The following VXN variants were observed in gnomAD, a reference collection of about 807,000 sequenced individuals.
VXN encodes vexin.
Under a neutral mutation model 23.1 loss-of-function variants are expected in VXN, and 7 were observed. The observed-to-expected ratio is 0.30, with a 90% confidence interval of 0.17 to 0.57. The LOEUF is 0.57. Ranked by LOEUF, VXN falls within the 20% of genes least tolerant of loss-of-function variation. VXN has a pLI of 0.91. For missense variants in VXN, 238 were observed against 272.6 expected (o/e 0.87, Z 0.89); for synonymous variants, 120 against 105.8 (o/e 1.13, Z -0.83).
In VXN at chr8:66,496,489, G is replaced by A. The variant is rs2130540513; in HGVS notation, c.123G>A (p.Lys41=). ...RAKSSQHLLT[K]NVVIESDLYT... ...AAAGCTCTCAGCACCTCTTGACCAA[G>A]AATGTAAGGAAACTTTAGTTTTGAT... The change falls in exon 2 of 6, where the codon AAG becomes AAA. Residue 41 remains lysine, a synonymous_variant. Transcript: ENST00000305454. 2 of 1,614,026 alleles carry A rather than the reference G, an allele frequency of 1.2e-6. No individual in the cohort carries two copies. Among genetic ancestry groups the A allele is most frequent in the African/African-American group, 1.3e-5 (1 of 75,048 alleles).
At chr8:66,503,116 G>T (rs1052817176) in intron 2 of VXN, among the ~76,000 whole-genome samples, 1 of 152,166 alleles carries the variant, frequency 6.6e-6, no homozygotes, top group African/African-American at 2.4e-5. Flanking sequence ...AAAGTGCTGG[G>T]ATTACAGGCA....
At chr8:66,495,850 A>T (rs2130539914) in intron 1 of VXN, among the ~76,000 whole-genome samples, 1 of 152,316 alleles carries the variant, frequency 6.6e-6, no homozygotes, top group South Asian at 2.1e-4. Flanking sequence ...CATCACCCCC[A>T]TCCATCCTAG....
At chr8:66,505,655 C>T in intron 3 of VXN, 127 bp downstream of exon 3, 1 of 1,180,584 alleles carries the variant, frequency 8.5e-7, no homozygotes. Flanking sequence ...GGTGACCAAG[C>T]ACCTGTGCTT....
intron 4 of VXN, 130 bp from the exon 5 acceptor site, chr8:66,513,410 G>A: frequency 2.5e-6 from 2 of 803,342 alleles, no homozygotes; most frequent in Non-Finnish European, 4.3e-6. Context: ...TCCCACACCT[G>A]CTGAATGATG....
rs150687479 is a variant in VXN at position 66,512,352 on chromosome 8, A to T, written c.343-1188A>T. 4.2e-3 allele frequency among the ~76,000 whole-genome samples: 646 copies of T among 152,330 alleles called. 3 individuals carry two copies. The highest frequency in any genetic ancestry group is 6.8e-3 in the Middle Eastern group (2 of 294). The stretch of plus-strand genomic sequence containing the variant: ...GGCATAATGGGAAGGAAGCGTTTGC[A>T]CGGACCACAAGGTGGCACAGCAGCT... On this transcript the variant is annotated intron_variant, in intron 4 of 5. Coordinates refer to ENST00000305454, the MANE Select transcript of VXN (RefSeq NM_152765.4).
At chr8:66,515,524 C>T (rs890555071) in intron 5 of VXN, among the ~76,000 whole-genome samples, 1 of 152,206 alleles carries the variant, frequency 6.6e-6, no homozygotes, top group Non-Finnish European at 1.5e-5. Flanking sequence ...CCATCCCAGA[C>T]CTCATGCTCT....
chr8:66,504,708 C>T (rs969666403), intron 2 of VXN, among the ~76,000 whole-genome samples: 9 of 152,138 alleles, frequency 5.9e-5, no homozygotes, highest in Non-Finnish European at 1.2e-4. Context: ...TTTGTTCCAG[C>T]TTATCAAGAT....
intron 1 of VXN, among the ~76,000 whole-genome samples, 153 bp from the exon 2 acceptor site, chr8:66,496,284 C>T (rs948151156): frequency 6.6e-6 from 1 of 152,226 alleles, no homozygotes; most frequent in African/African-American, 2.4e-5. Context: ...AGCCAAGTAA[C>T]ATCTTCAATC....
chr8:66,511,937 A>T (rs1469430455), intron 4 of VXN, among the ~76,000 whole-genome samples: 2 of 152,046 alleles, frequency 1.3e-5, no homozygotes, highest in Non-Finnish European at 2.9e-5. Context: ...GTGGTGAGCC[A>T]TGCCTGTGAT....
intron 2 of VXN, among the ~76,000 whole-genome samples, chr8:66,497,238 A>G (rs1473115101): frequency 6.6e-6 from 1 of 152,250 alleles, no homozygotes. Context: ...AGTAGAAAAA[A>G]AAGGTAAAAG....
At chr8:66,504,338 G>A (rs1045329999) in intron 2 of VXN, among the ~76,000 whole-genome samples, 9 of 152,038 alleles carry the variant, frequency 5.9e-5, no homozygotes, top group Non-Finnish European at 1.2e-4. Flanking sequence ...CCTCCTTTCC[G>A]AGAGCGATGC....
intron 2 of VXN, among the ~76,000 whole-genome samples, chr8:66,497,745 G>A (rs145419174): frequency 4.6e-5 from 7 of 151,844 alleles, no homozygotes; most frequent in East Asian, 3.9e-4. Context: ...AATTTTTTTC[G>A]ACTGGGCACT....
chr8:66,494,112 A>C (rs77835410), intron 1 of VXN, among the ~76,000 whole-genome samples: 1 of 152,136 alleles, frequency 6.6e-6, no homozygotes. Flanking sequence ...GCTTAAAAGT[A>C]TGATTTCTAA....
intron 2 of VXN, among the ~76,000 whole-genome samples, chr8:66,502,987 C>T (rs766006073): frequency 6.6e-6 from 1 of 151,908 alleles, no homozygotes; most frequent in Non-Finnish European, 1.5e-5. Context: ...GGTGGGACTA[C>T]AGGCATGTGG....
intron 4 of VXN, among the ~76,000 whole-genome samples, chr8:66,512,390 G>A (rs561221743): frequency 6.6e-5 from 10 of 152,300 alleles, no homozygotes; most frequent in African/African-American, 1.9e-4. Flanking sequence ...GCCCACAGTC[G>A]GCCAGCTTGG....
At chr8:66,515,691 C>G (rs1037530347) in intron 5 of VXN, among the ~76,000 whole-genome samples, 6 of 152,216 alleles carry the variant, frequency 3.9e-5, no homozygotes, top group Non-Finnish European at 5.9e-5. Flanking sequence ...TCAGGGTCAC[C>G]TCCTCCATTC....
intron 2 of VXN, among the ~76,000 whole-genome samples, chr8:66,497,701 T>C (rs1004153363): frequency 2.0e-5 from 3 of 152,216 alleles, no homozygotes; most frequent in African/African-American, 7.2e-5. Context: ...ATTTTTGAAG[T>C]ATCTCAATTT....
chr8:66,497,386 T>C (rs1586515127), intron 2 of VXN, among the ~76,000 whole-genome samples: 2 of 152,224 alleles, frequency 1.3e-5, no homozygotes, highest in African/African-American at 4.8e-5. Context: ...TCACATACTG[T>C]CAGGAATTCT....
chr8:66,497,922 C>T (rs1807644595), intron 2 of VXN, among the ~76,000 whole-genome samples: 1 of 151,840 alleles, frequency 6.6e-6, no homozygotes, highest in Admixed American at 6.6e-5. Flanking sequence ...AATCCTAGCA[C>T]TTTGGGAGGC....
Sources: allele counts gnomAD v4.1 joint callset (sites outside exome capture counted in the v4.1 genomes callset), GRCh38; gene constraint gnomAD v4.1.1; transcripts MANE v1.5; gene names NCBI Gene and HGNC (gene_info 2026-07-23, HGNC 2026-07-21).